The following BACH2 variants were observed in gnomAD, a reference collection of about 807,000 sequenced individuals.
The protein encoded by BACH2 is BACH transcriptional regulator 2.
A neutral mutation model predicts 61.8 loss-of-function variants in BACH2; 5 were observed. That is an observed-to-expected ratio of 0.08 (90% CI 0.04 to 0.17). The LOEUF (loss-of-function observed/expected upper bound fraction) is 0.17. Ranked by LOEUF, BACH2 falls within the 10% of genes least tolerant of loss-of-function variation. The pLI, the probability that BACH2 is intolerant of heterozygous loss-of-function variation, is 1.00. For missense variants in BACH2, 824 were observed against 1,091.1 expected, an observed-to-expected ratio of 0.76 and a Z score of 3.45; for synonymous variants, 446 against 440.1, an observed-to-expected ratio of 1.01 and a Z score of -0.17.
chr6:90,207,634 C>T (rs1769195974), intron 3 of BACH2, among the ~76,000 whole-genome samples: 2 of 151,688 alleles, frequency 1.3e-5, no homozygotes, highest in Admixed American at 6.6e-5. Context: ...TACATGGAAT[C>T]GGAGGTTTAA....
intron 1 of BACH2, among the ~76,000 whole-genome samples, chr6:90,289,960 A>AT (rs1284811722): frequency 6.6e-6 from 1 of 152,178 alleles, no homozygotes; most frequent in Non-Finnish European, 1.5e-5. Flanking sequence ...GTTAACTTGT[A>AT]TTTTTTCCAA....
intron 3 of BACH2, among the ~76,000 whole-genome samples, chr6:90,238,918 C>T (rs1278446052): frequency 6.6e-6 from 1 of 151,978 alleles, no homozygotes; most frequent in South Asian, 2.1e-4. Context: ...TGCTGTGAGC[C>T]CAAGAACCTG....
chr6:90,198,689 A>G (rs1478647523), intron 4 of BACH2, among the ~76,000 whole-genome samples: 1 of 152,190 alleles, frequency 6.6e-6, no homozygotes, highest in Non-Finnish European at 1.5e-5. Flanking sequence ...TCAGGGCTAG[A>G]GCTCACTTTG....
At position 89,973,521 on chromosome 6, in the gene BACH2, A is replaced by C. The variant is rs147488430; in HGVS notation, c.244-21659T>G. ...CTTCAAAGTGGACTTTGTGATTCCGACCCTCCTGCCTCCCTCTTTTAAGGA... is the reference window on the plus strand; with the variant it reads ...CTTCAAAGTGGACTTTGTGATTCCGCCCCTCCTGCCTCCCTCTTTTAAGGA... On this transcript the variant is annotated intron_variant, in intron 6 of 8. Coordinates refer to ENST00000257749, the MANE Select transcript of BACH2 (RefSeq NM_021813.4). Among the ~76,000 whole-genome samples the C allele has an allele frequency of 7.2e-3, 1,098 of 151,980 alleles. 11 individuals carry two copies. The highest frequency in any genetic ancestry group is 0.025 in the African/African-American group (1,037 of 41,436).
chr6:89,974,383 T>C (rs1024928151), intron 6 of BACH2, among the ~76,000 whole-genome samples: 3 of 152,192 alleles, frequency 2.0e-5, no homozygotes, highest in Non-Finnish European at 4.4e-5. Context: ...GGATGCTCAG[T>C]AAAGGTTATT....
At chr6:90,055,613 A>G (rs1258627014) in intron 5 of BACH2, among the ~76,000 whole-genome samples, 3 of 147,630 alleles carry the variant, frequency 2.0e-5, no homozygotes, top group Non-Finnish European at 4.4e-5. Flanking sequence ...GATTCAGGAA[A>G]TACAGAGAAC....
At chr6:90,038,420 T>C (rs1322655092) in intron 5 of BACH2, among the ~76,000 whole-genome samples, 2 of 152,218 alleles carry the variant, frequency 1.3e-5, no homozygotes, top group Non-Finnish European at 2.9e-5. Context: ...ATTTTTTGTG[T>C]GTCTGGCTTC....
chr6:90,119,755 A>G (rs574825741), intron 4 of BACH2, among the ~76,000 whole-genome samples: 18 of 152,258 alleles, frequency 1.2e-4, no homozygotes, highest in Non-Finnish European at 2.5e-4. Flanking sequence ...GTTCTTAGTT[A>G]CTAGTAAAAA....
At chr6:89,983,000 A>G (rs769126627) in intron 6 of BACH2, among the ~76,000 whole-genome samples, 2 of 152,240 alleles carry the variant, frequency 1.3e-5, no homozygotes, top group African/African-American at 4.8e-5. Flanking sequence ...CCAAGAAGGC[A>G]GGGACCACAG....
At chr6:90,028,439 T>C (rs1388866982) in intron 5 of BACH2, among the ~76,000 whole-genome samples, 1 of 152,206 alleles carries the variant, frequency 6.6e-6, no homozygotes, top group Non-Finnish European at 1.5e-5. Context: ...GCTTTTCCTA[T>C]TTTCTCTCTC....
chr6:90,113,937 T>C (rs1783287099), intron 4 of BACH2, among the ~76,000 whole-genome samples: 3 of 149,760 alleles, frequency 2.0e-5, no homozygotes, highest in African/African-American at 7.3e-5. Flanking sequence ...GATAAATTCC[T>C]GGACACATAC....
chr6:90,201,186 C>T (rs562477386), intron 4 of BACH2, among the ~76,000 whole-genome samples: 4 of 152,182 alleles, frequency 2.6e-5, no homozygotes, highest in South Asian at 2.1e-4. Flanking sequence ...ACATCCATGG[C>T]GGTTCTCTTT....
intron 1 of BACH2, among the ~76,000 whole-genome samples, chr6:90,274,547 T>C (rs1771631031): frequency 6.6e-6 from 1 of 152,152 alleles, no homozygotes; most frequent in Non-Finnish European, 1.5e-5. Context: ...CTGGCGGAAG[T>C]GGGTGCTGTA....
chr6:90,290,202 A>G (rs563544155), intron 1 of BACH2, among the ~76,000 whole-genome samples: 74 of 152,364 alleles, frequency 4.9e-4, no homozygotes, highest in African/African-American at 1.8e-3. Context: ...ACTGTCCCTG[A>G]TGGAAGGTCA....
intron 5 of BACH2, among the ~76,000 whole-genome samples, chr6:90,053,201 T>G (rs1197012273): frequency 3.9e-5 from 6 of 152,220 alleles, no homozygotes; most frequent in Non-Finnish European, 8.8e-5. Context: ...TTTGCCTACA[T>G]GTTTACCAAT....
chr6:90,230,156 T>C (rs1039755178), intron 3 of BACH2, among the ~76,000 whole-genome samples: 1 of 152,238 alleles, frequency 6.6e-6, no homozygotes, highest in African/African-American at 2.4e-5. Context: ...GCTGAGGCCA[T>C]ACTACGTGGG....
chr6:90,256,393 C>T (rs1034238454), intron 2 of BACH2, among the ~76,000 whole-genome samples: 18 of 152,294 alleles, frequency 1.2e-4, no homozygotes, highest in African/African-American at 3.9e-4. Context: ...GTGTAACCTG[C>T]CATGTTTTTC....
At chr6:90,121,609 C>A (rs1369908887) in intron 4 of BACH2, among the ~76,000 whole-genome samples, 1 of 152,180 alleles carries the variant, frequency 6.6e-6, no homozygotes, top group Non-Finnish European at 1.5e-5. Context: ...GTGGCACAAT[C>A]TTGGCTCACT....
Position 90,062,717 on chromosome 6 carries a change from T to C in BACH2, c.-13+26244A>G, listed in dbSNP as rs562172066. 4.6e-5 allele frequency among the ~76,000 whole-genome samples: 7 copies of C among 152,036 alleles called. No homozygotes were observed. In the South Asian group the frequency reaches 6.2e-4, roughly 14 times the overall value. ...TGATTTTCCTTTACAGATCTTATCT[T>C]GTATCATTTGGCTAATCTTGCCTCT... On this transcript the variant is annotated intron_variant, in intron 5 of 8. Coordinates refer to ENST00000257749, the MANE Select transcript of BACH2 (RefSeq NM_021813.4).
Sources: allele counts gnomAD v4.1 joint callset (sites outside exome capture counted in the v4.1 genomes callset), GRCh38; gene constraint gnomAD v4.1.1; transcripts MANE v1.5; gene names NCBI Gene and HGNC (gene_info 2026-07-23, HGNC 2026-07-21).